PCDHGA7: variants seen among roughly 807,000 people sequenced by gnomAD.
PCDHGA7 encodes protocadherin gamma subfamily A, 7.
Under a neutral mutation model 58.3 loss-of-function variants are expected in PCDHGA7, and 44 were observed. The ratio of observed to expected loss-of-function variants is 0.75; its 90% CI spans 0.59 to 0.97. The LOEUF (loss-of-function observed/expected upper bound fraction) is 0.97. Among genes scored for constraint, PCDHGA7 ranks in the 50% least tolerant of loss-of-function variants. The pLI is 0.00. For synonymous variants in PCDHGA7, 516 were observed against 504.2 expected, an observed-to-expected ratio of 1.02 and a Z score of -0.31; for missense variants, 1,266 against 1,188.7, an observed-to-expected ratio of 1.06 and a Z score of -0.96.
At chr5:141,393,914 C>T (rs765664879) in intron 1 of PCDHGA7, 2 of 1,613,932 alleles carry the variant, frequency 1.2e-6, no homozygotes, top group South Asian at 2.2e-5. Flanking sequence ...CAGTAATTGC[C>T]TTCTTGAGTG....
At chr5:141,481,618 G>C (rs1339565594) in intron 1 of PCDHGA7, among the ~76,000 whole-genome samples, 1 of 152,142 alleles carries the variant, frequency 6.6e-6, no homozygotes, top group African/African-American at 2.4e-5. Context: ...AGGAGTTCAA[G>C]ACCGGCCTGG....
At chr5:141,447,636 T>C (rs772671166) in intron 1 of PCDHGA7, among the ~76,000 whole-genome samples, 49 of 152,136 alleles carry the variant, frequency 3.2e-4, no homozygotes, top group Non-Finnish European at 5.3e-4. Context: ...ACAGTATGAA[T>C]GATGGTAGAA....
chr5:141,413,157 A>T, intron 1 of PCDHGA7: 2 of 1,578,898 alleles, frequency 1.3e-6, no homozygotes, highest in Non-Finnish European at 1.7e-6. Flanking sequence ...ACTTTGCAGA[A>T]TTCTGTAACC....
chr5:141,439,470 T>C (rs1357441747), intron 1 of PCDHGA7, among the ~76,000 whole-genome samples: 1 of 152,220 alleles, frequency 6.6e-6, no homozygotes, highest in African/African-American at 2.4e-5. Flanking sequence ...CTGCTGCCTT[T>C]CAGCTTGCAA....
Position 141,489,267 on chromosome 5 carries a change from C to T in PCDHGA7, c.2425-5540C>T, listed in dbSNP as rs370726160. 27 of 1,553,302 alleles carry T rather than the reference C, an allele frequency of 1.7e-5. No individual in the cohort carries two copies. Among genetic ancestry groups the T allele is most frequent in the African/African-American group, 8.2e-5 (6 of 73,324 alleles). ...TGGGGCCCAAGACACTCCCACAGCT[C>T]GCTGGGAAATGGCAAGTGCTGTGCA... On this transcript the variant is annotated intron_variant, in intron 1 of 3. Transcript: ENST00000518325. This position sits in a 1 kb window ranked among gnomAD's most constrained non-coding sequence, Gnocchi z 4.5.
intron 1 of PCDHGA7, among the ~76,000 whole-genome samples, chr5:141,468,089 T>C (rs1349447353): frequency 6.6e-6 from 1 of 151,010 alleles, no homozygotes; most frequent in Non-Finnish European, 1.5e-5. Context: ...CTTTGGGAGG[T>C]TGAGGCAGGC....
At position 141,487,505 on chromosome 5, in the gene PCDHGA7, G is replaced by GTA; in HGVS notation, c.2425-7302_2425-7301insTA. The GTA allele has an allele frequency of 1.2e-6, 2 of 1,614,200 alleles. No homozygotes were observed. The highest frequency in any genetic ancestry group is 1.7e-6 in the Non-Finnish European group (2 of 1,180,032). ...TCATGGCTGTACACCCTTGGCTTCTGCACCCACTCGGAGTGATAGCTTCAT... is the reference window on the plus strand; with the variant it reads ...TCATGGCTGTACACCCTTGGCTTCTGTACACCCACTCGGAGTGATAGCTTCAT... On this transcript the variant is annotated intron_variant, in intron 1 of 3. Coordinates refer to ENST00000518325, the MANE Select transcript of PCDHGA7 (RefSeq NM_018920.4). This position sits in a 1 kb window ranked among gnomAD's most constrained non-coding sequence, Gnocchi z 5.0.
rs371995922 is a variant in PCDHGA7 at position 141,395,132 on chromosome 5, C to T, written c.2424+9809C>T. ...AGAGTCACCTGATCTTTCCCCAGCC[C>T]AACTACGCAGACATGCTCATCAGTC... On this transcript the variant is annotated intron_variant, in intron 1 of 3. Transcript: ENST00000518325. 8.7e-6 allele frequency: 14 copies of T among 1,614,068 alleles called. No homozygotes were observed. The African/African-American group carries it at 1.6e-4, about 18-fold the overall frequency.
Position 141,506,556 on chromosome 5 carries a change from AC to A in PCDHGA7, c.2572+1080del, listed in dbSNP as rs560503002. Among the ~76,000 whole-genome samples the A allele has an allele frequency of 4.0e-4, 60 of 151,718 alleles. 1 individual carries two copies. In the East Asian group the frequency reaches 0.011, roughly 28 times the overall value. ...AATGAGTCCTTAGGTAAGTTATTAA[AC>A]CCCCTCGGTTTCACTTACTATTAAT... On this transcript the variant is annotated intron_variant, in intron 3 of 3. Coordinates refer to ENST00000518325, the MANE Select transcript of PCDHGA7 (RefSeq NM_018920.4).
intron 1 of PCDHGA7, chr5:141,478,822 T>C: frequency 4.2e-6 from 6 of 1,444,070 alleles, no homozygotes; most frequent in Non-Finnish European, 5.5e-6. Flanking sequence ...AACTAACCAA[T>C]CTTGCTAAGG....
chr5:141,461,429 T>A lies in PCDHGA7; in HGVS notation c.2425-33378T>A, dbSNP rs193056679. On this transcript the variant is annotated intron_variant, in intron 1 of 3. Coordinates refer to ENST00000518325, the MANE Select transcript of PCDHGA7 (RefSeq NM_018920.4). The stretch of plus-strand genomic sequence containing the variant: ...TTTTCATATGTTTGTGGGCCATTTG[T>A]ATACCTTCTTTTGAGAAATGGCTAT... Among the ~76,000 whole-genome samples the A allele has an allele frequency of 5.6e-4, 85 of 152,328 alleles. 1 individual carries two copies. The highest frequency in any genetic ancestry group is 1.5e-3 in the African/African-American group (64 of 41,580).
At chr5:141,387,385 T>C (rs998102373) in intron 1 of PCDHGA7, among the ~76,000 whole-genome samples, 4 of 152,206 alleles carry the variant, frequency 2.6e-5, no homozygotes, top group African/African-American at 9.6e-5. Flanking sequence ...TTTATATAGA[T>C]AGTGCATGTT....
chr5:141,486,985 T>C lies in PCDHGA7; in HGVS notation c.2425-7822T>C. On this transcript the variant is annotated intron_variant, in intron 1 of 3. Coordinates refer to ENST00000518325, the MANE Select transcript of PCDHGA7 (RefSeq NM_018920.4). The surrounding 1 kb of genome is among the most constrained non-coding windows in gnomAD (Gnocchi z 5.0). ...TGGACTTGGATTCAGGTTACAATGC[T>C]TGGGTTTCCTATCAGCTCCTGGAGG... 1 of 1,614,208 alleles carries C rather than the reference T, an allele frequency of 6.2e-7. No individual in the cohort carries two copies. The highest frequency in any genetic ancestry group is 8.5e-7 in the Non-Finnish European group (1 of 1,180,040).
rs1345224043 is a variant in PCDHGA7, at chr5:141,487,695, C to G, written c.2425-7112C>G. Reference sequence around the variant, plus strand: ...TGGCTAGGCCATGTCCTAGAGAGTACTGGCCTCTCAGTAAGTGCCCATAGT... The same window carrying G: ...TGGCTAGGCCATGTCCTAGAGAGTAGTGGCCTCTCAGTAAGTGCCCATAGT... On this transcript the variant is annotated intron_variant, in intron 1 of 3. Transcript: ENST00000518325. The surrounding 1 kb of genome is among the most constrained non-coding windows in gnomAD (Gnocchi z 5.0). 1 of 1,601,306 alleles carries G rather than the reference C, an allele frequency of 6.2e-7. No individual in the cohort carries two copies.
rs1562131721 is a variant in PCDHGA7, at chr5:141,489,636, C to CGAGA, written c.2425-5171_2425-5170insGAGA. 10 of 1,614,074 alleles carry CGAGA rather than the reference C, an allele frequency of 6.2e-6. No individual in the cohort carries two copies. The highest frequency in any genetic ancestry group is 2.7e-5 in the African/African-American group (2 of 74,930). On this transcript the variant is annotated intron_variant, in intron 1 of 3. Coordinates refer to ENST00000518325, the MANE Select transcript of PCDHGA7 (RefSeq NM_018920.4). This position sits in a 1 kb window ranked among gnomAD's most constrained non-coding sequence, Gnocchi z 4.5. ...TGGATCTCAATGACAACTCTCCTAG[C>CGAGA]TTTGCCACCCCTGAGCGAGAGATGC...
In PCDHGA7 at chr5:141,495,049, T is replaced by G. The variant is rs543734863; in HGVS notation, c.2483+184T>G. ...CCCCGGAAGGAAGAGGCGACTGCCC[T>G]GACTGTTCAGGAAGCTCAATTCACA... On this transcript the variant is annotated intron_variant, in intron 2 of 3. Coordinates refer to ENST00000518325, the MANE Select transcript of PCDHGA7 (RefSeq NM_018920.4). Among the ~76,000 whole-genome samples the G allele has an allele frequency of 5.6e-4, 86 of 152,312 alleles. 1 individual carries two copies. Among genetic ancestry groups the G allele is most frequent in the African/African-American group, 1.6e-3 (65 of 41,578 alleles).
At position 141,511,542 on chromosome 5, in the gene PCDHGA7, A is replaced by C; in HGVS notation, c.*369A>C. The stretch of plus-strand genomic sequence containing the variant: ...CCCATGCCTCCCTCCTCCCCACCCC[A>C]CTCCAACAGTTCCTCTTTCCCGAGT... On this transcript the variant is annotated 3_prime_UTR_variant, in exon 4 of 4. Coordinates refer to ENST00000518325, the MANE Select transcript of PCDHGA7 (RefSeq NM_018920.4). 6.6e-6 allele frequency: 2 copies of C among 302,184 alleles called. No homozygotes were observed. The highest frequency in any genetic ancestry group is 3.7e-5 in the South Asian group (1 of 26,678). The allele number at this position is 302,184 out of a possible 1,614,324, so 18.7% of individuals were successfully genotyped here. A position where few individuals can be genotyped will look rare whatever the true frequency, so the allele number is the denominator to read the frequency against.
intron 1 of PCDHGA7, among the ~76,000 whole-genome samples, chr5:141,446,961 GA>G (rs1466390366): frequency 2.0e-5 from 3 of 152,070 alleles, no homozygotes; most frequent in Admixed American, 1.3e-4. Context: ...AGCACCCAGG[GA>G]AATTTGCTGT....
chr5:141,507,525 A>T (rs1053801558), intron 3 of PCDHGA7, among the ~76,000 whole-genome samples: 1 of 152,000 alleles, frequency 6.6e-6, no homozygotes, highest in Non-Finnish European at 1.5e-5. Context: ...ATGATTCCAG[A>T]GAGGCCAGAG....
Sources: allele counts gnomAD v4.1 joint callset (sites outside exome capture counted in the v4.1 genomes callset), GRCh38; gene constraint gnomAD v4.1.1; non-coding constraint Gnocchi (gnomAD v3.1); transcripts MANE v1.5; gene names NCBI Gene and HGNC (gene_info 2026-07-23, HGNC 2026-07-21).